The following RBMS2 variants were observed in gnomAD, a reference collection of about 807,000 sequenced individuals.
RBMS2 encodes the protein RNA-binding motif, single-stranded-interacting protein 2.
A neutral mutation model predicts 58.4 loss-of-function variants in RBMS2; 38 were observed. The observed-to-expected ratio is 0.65, with a 90% confidence interval of 0.50 to 0.85. The LOEUF (loss-of-function observed/expected upper bound fraction) is 0.85, where lower values mean the gene tolerates loss of function less well. Ranked by LOEUF, RBMS2 falls within the 40% of genes least tolerant of loss-of-function variation. The probability of loss-of-function intolerance (pLI) is 0.00; values close to 1 mark genes in which losing one functional copy is unlikely to be tolerated. For missense variants in RBMS2, 367 were observed against 503.7 expected (o/e 0.73, Z 2.60); for synonymous variants, 151 against 180.7 (o/e 0.84, Z 1.32).
chr12:56,558,276 G>A, intron 1 of RBMS2, among the ~76,000 whole-genome samples: 1 of 10,358 alleles, frequency 9.7e-5, no homozygotes, highest in Non-Finnish European at 4.4e-4. Flanking sequence ...TCGGTCTCTT[G>A]ACCTCATGAT....
intron 5 of RBMS2, chr12:56,572,741 G>A: frequency 1.0e-6 from 1 of 978,216 alleles, no homozygotes; most frequent in Non-Finnish European, 1.2e-6. Flanking sequence ...TGATCCTTCT[G>A]GCTTTGAGAG....
chr12:56,544,417 G>T (rs1876754777), intron 1 of RBMS2, among the ~76,000 whole-genome samples: 1 of 152,172 alleles, frequency 6.6e-6, no homozygotes, highest in African/African-American at 2.4e-5. Context: ...TCTCTTACAT[G>T]ATTTGAGCTT....
At chr12:56,521,502 G>GTTTTT (rs68129205), upstream of RBMS2, among the ~76,000 whole-genome samples, 755 of 73,134 alleles carry the variant, frequency 0.01, 47 homozygotes, top group African/African-American at 0.025. Flanking sequence ...CTCTAACTCT[G>GTTTTT]TTTTTTTTTT....
intron 5 of RBMS2, among the ~76,000 whole-genome samples, chr12:56,575,181 G>A (rs548048618): frequency 9.4e-5 from 14 of 149,724 alleles, no homozygotes; most frequent in Admixed American, 6.0e-4. Flanking sequence ...AAAAAAACCC[G>A]ACTTTGGGAG....
chr12:56,526,686 G>C (rs1872711669), intron 1 of RBMS2, among the ~76,000 whole-genome samples: 1 of 142,396 alleles, frequency 7.0e-6, no homozygotes. Flanking sequence ...AAAAAAAAAG[G>C]CTGAAGTAAA....
intron 1 of RBMS2, 61 bp from the exon 2 acceptor site, chr12:56,562,356 T>G: frequency 2.7e-6 from 4 of 1,464,830 alleles, no homozygotes; most frequent in Non-Finnish European, 3.8e-6. Context: ...TCCAGGATCT[T>G]CCTCACTCTC....
chr12:56,543,987 C>A (rs1195481764), intron 1 of RBMS2, among the ~76,000 whole-genome samples: 2 of 151,918 alleles, frequency 1.3e-5, no homozygotes, highest in Admixed American at 1.3e-4. Flanking sequence ...CCTTTTAAAA[C>A]CAGCTATAGG....
rs146998541 is a variant in RBMS2 at position 56,581,449 on chromosome 12, C to G, written c.673C>G (p.Arg225Gly). The G allele has an allele frequency of 6.2e-7, 1 of 1,614,052 alleles. No homozygotes were observed. Among genetic ancestry groups the G allele is most frequent in the Non-Finnish European group, 8.5e-7 (1 of 1,180,046 alleles). The part of the protein sequence containing the change: ...CKFADGGPKK[R>G]QNQGKFVQNG... ...ATTTGCTGATGGCGGGCCAAAGAAACGACAGAACCAAGGAAAATTTGTGCA... is the reference window on the plus strand; with the variant it reads ...ATTTGCTGATGGCGGGCCAAAGAAAGGACAGAACCAAGGAAAATTTGTGCA... The change falls in exon 7 of 14, where the codon CGA becomes GGA. Residue 225 changes from arginine to glycine, a missense_variant. Transcript: ENST00000262031.
intron 1 of RBMS2, among the ~76,000 whole-genome samples, chr12:56,543,120 G>A: frequency 6.6e-6 from 1 of 151,992 alleles, no homozygotes; most frequent in Non-Finnish European, 1.5e-5. Flanking sequence ...TGATTCTCCT[G>A]CCTTGGTTTC....
At chr12:56,588,608 C>T (rs1320175919) in intron 12 of RBMS2, 16 of 578,382 alleles carry the variant, frequency 2.8e-5, no homozygotes, top group South Asian at 6.5e-5. Flanking sequence ...ATTTGTGAAG[C>T]GTTCCATATT....
At chr12:56,525,097 G>A (rs558333953) in intron 1 of RBMS2, among the ~76,000 whole-genome samples, 73 of 151,992 alleles carry the variant, frequency 4.8e-4, no homozygotes, top group Non-Finnish European at 3.7e-4. Flanking sequence ...TTAAACTATA[G>A]CATTATTACG....
intron 1 of RBMS2, among the ~76,000 whole-genome samples, chr12:56,533,925 T>C (rs1224563794): frequency 1.3e-5 from 2 of 151,858 alleles, no homozygotes; most frequent in Admixed American, 6.6e-5. Context: ...AACTATATTT[T>C]ATCTTATTTA....
Position 56,589,174 on chromosome 12 carries a change from A to G in RBMS2, c.*41A>G. 6.5e-7 allele frequency: 1 copy of G among 1,536,706 alleles called. No individual in the cohort carries two copies. The highest frequency in any genetic ancestry group is 8.8e-7 in the Non-Finnish European group (1 of 1,138,938). On this transcript the variant is annotated 3_prime_UTR_variant, in exon 14 of 14. Transcript: ENST00000262031. ...CCCCATCTTTACTGAATAGAAATGA[A>G]TTCTTGGAGATACTCATGCTCCCAG...
intron 5 of RBMS2, among the ~76,000 whole-genome samples, chr12:56,579,412 C>T (rs1048795014): frequency 3.9e-5 from 6 of 152,020 alleles, no homozygotes; most frequent in African/African-American, 9.7e-5. Flanking sequence ...GGGCGGATCA[C>T]GAGGTCAGGA....
chr12:56,573,267 A>G (rs1882596320), intron 5 of RBMS2: 1 of 822,400 alleles, frequency 1.2e-6, no homozygotes, highest in Non-Finnish European at 1.5e-6. Flanking sequence ...ACCTGAGGTC[A>G]GGAGTTTGAG....
chr12:56,577,505 C>T (rs1883312586), intron 5 of RBMS2, among the ~76,000 whole-genome samples: 1 of 148,734 alleles, frequency 6.7e-6, no homozygotes, highest in East Asian at 2.0e-4. Flanking sequence ...GACAGGGTCT[C>T]ACTCGGTTGT....
At chr12:56,575,114 GC>G in intron 5 of RBMS2, among the ~76,000 whole-genome samples, 1 of 151,680 alleles carries the variant, frequency 6.6e-6, no homozygotes, top group East Asian at 1.9e-4. Context: ...GCACCAAGGC[GC>G]TTCAGCCTGG....
chr12:56,581,826 T>C lies in RBMS2; in HGVS notation c.733-7T>C. 5 of 1,614,162 alleles carry C rather than the reference T, an allele frequency of 3.1e-6. No individual in the cohort carries two copies. Among genetic ancestry groups the C allele is most frequent in the South Asian group, 1.1e-5 (1 of 91,078 alleles). On this transcript the variant is annotated splice_region_variant and splice_polypyrimidine_tract_variant and intron_variant, in intron 7 of 13. Transcript: ENST00000262031. The stretch of plus-strand genomic sequence containing the variant: ...CACAATGTGAACACTGTGTTCTTTC[T>C]TTATAGGGCGTCATGGCCTTGACCT...
chr12:56,529,601 A>T (rs1179276619), intron 1 of RBMS2, among the ~76,000 whole-genome samples: 6 of 151,884 alleles, frequency 4.0e-5, no homozygotes, highest in Admixed American at 3.9e-4. Context: ...AACAAAACAA[A>T]TCTCTAGGGG....
Sources: allele counts gnomAD v4.1 joint callset (sites outside exome capture counted in the v4.1 genomes callset), GRCh38; gene constraint gnomAD v4.1.1; transcripts MANE v1.5; gene names NCBI Gene and HGNC (gene_info 2026-07-23, HGNC 2026-07-21).